The following LDLRAP1 variants were observed in gnomAD, a reference collection of about 807,000 sequenced individuals.
LDLRAP1 encodes the protein low density lipoprotein receptor adapter protein 1.
LDLRAP1 carries 30 observed loss-of-function variants against 37.8 expected under a neutral mutation model. The ratio of observed to expected loss-of-function variants is 0.79; its 90% CI spans 0.59 to 1.08. The LOEUF (loss-of-function observed/expected upper bound fraction) is 1.08, where lower values mean the gene tolerates loss of function less well. Among genes scored for constraint, LDLRAP1 ranks in the 50% least tolerant of loss-of-function variants. The probability of loss-of-function intolerance (pLI) is 0.00; values close to 1 mark genes in which losing one functional copy is unlikely to be tolerated. For synonymous variants in LDLRAP1, 156 were observed against 169.8 expected, an observed-to-expected ratio of 0.92 and a Z score of 0.63; for missense variants, 375 against 401.6, an observed-to-expected ratio of 0.93 and a Z score of 0.57.
rs1436937510 is a variant in LDLRAP1, at chr1:25,567,784, A to G, written c.*792A>G. On this transcript the variant is annotated 3_prime_UTR_variant, in exon 9 of 9. Transcript: ENST00000374338. ...GCTCCCAGGGACTGACACGGGGATCATCTCTGTGACCGCCCTCCGTCGGGC... is the reference window on the plus strand; with the variant it reads ...GCTCCCAGGGACTGACACGGGGATCGTCTCTGTGACCGCCCTCCGTCGGGC... The G allele has an allele frequency of 6.6e-6, 1 of 152,298 alleles. No individual in the cohort carries two copies. The highest frequency in any genetic ancestry group is 1.9e-4 in the East Asian group (1 of 5,176). The allele number at this position is 152,298 out of a possible 1,614,324, so 9.4% of individuals were successfully genotyped here. A position where few individuals can be genotyped will look rare whatever the true frequency, so the allele number is the denominator to read the frequency against.
At chr1:25,587,380 CTT>C in the LDLRAP1 span, among the ~76,000 whole-genome samples, 2 of 152,142 alleles carry the variant, frequency 1.3e-5, no homozygotes, top group Non-Finnish European at 2.9e-5. Context: ...GTTCTGAACT[CTT>C]GGCCTCAAGT....
In LDLRAP1 at chr1:25,565,025, G is replaced by A. The variant is rs541057413; in HGVS notation, c.748-148G>A. ...GAGATGCTGGCGATGCACCCAGGCA[G>A]GAGGCCTGCCTGAGGCCGTGCCTCC... On this transcript the variant is annotated intron_variant, in intron 7 of 8. Transcript: ENST00000374338. 7.5e-6 allele frequency: 6 copies of A among 802,918 alleles called. No individual in the cohort carries two copies. In the African/African-American group the frequency reaches 1.0e-4, roughly 14 times the overall value. The allele number at this position is 802,918 out of a possible 1,614,324, so 49.7% of individuals were successfully genotyped here. A position where few individuals can be genotyped will look rare whatever the true frequency, so the allele number is the denominator to read the frequency against.
chr1:25,566,811 C>CTG, intron 8 of LDLRAP1, 37 bp from the exon 9 acceptor site: 1 of 1,592,950 alleles, frequency 6.3e-7, no homozygotes, highest in African/African-American at 1.3e-5. Context: ...CGCCAGCCCT[C>CTG]ACCCAGGCTC....
At chr1:25,572,394 G>A (rs2044616300), downstream of LDLRAP1, among the ~76,000 whole-genome samples, 1 of 152,190 alleles carries the variant, frequency 6.6e-6, no homozygotes, top group South Asian at 2.1e-4. Context: ...CTGGGCTTAG[G>A]CACTCTGGGT....
Position 25,543,765 on chromosome 1 carries a change from G to C in LDLRAP1, c.67G>C (p.Gly23Arg), listed in dbSNP as rs546193771. Reference sequence around the variant, plus strand: ...CCCCAGCTTGGCCAAGCAGAGCTGGGGGGGCGGTGGCCGGCACCGCAGTGA... The same window carrying C: ...CCCCAGCTTGGCCAAGCAGAGCTGGCGGGGCGGTGGCCGGCACCGCAGTGA... Reference protein sequence around the residue: ...RSPSLAKQSWGGGGRHRKLPE... With the variant: ...RSPSLAKQSWRGGGRHRKLPE... The change falls in exon 1 of 9, where the codon GGG becomes CGG. Residue 23 changes from glycine (G) to arginine (R), a missense_variant. Coordinates refer to ENST00000374338, the MANE Select transcript of LDLRAP1 (RefSeq NM_015627.3). The C allele has an allele frequency of 1.7e-5, 20 of 1,209,860 alleles. No homozygotes were observed. The South Asian group carries it at 3.3e-4, about 20-fold the overall frequency. The allele number at this position is 1,209,860 out of a possible 1,614,324, so 74.9% of individuals were successfully genotyped here.
rs546158581 is a variant in LDLRAP1 at position 25,551,144 on chromosome 1, A to G, written c.89-2778A>G. Among the ~76,000 whole-genome samples, 3 of 152,194 alleles carry G rather than the reference A, an allele frequency of 2.0e-5. No homozygotes were observed. In the South Asian group the frequency reaches 6.2e-4, roughly 32 times the overall value. ...AGGATCAGAGGGAAGTAGAGCTGCA[A>G]TTGATTATCAATGTCTGCCAAGGGT... On this transcript the variant is annotated intron_variant, in intron 1 of 8. Transcript: ENST00000374338.
chr1:25,579,824 C>T, the LDLRAP1 span, among the ~76,000 whole-genome samples: 4 of 152,048 alleles, frequency 2.6e-5, no homozygotes, highest in African/African-American at 7.3e-5. Flanking sequence ...ATTACCACAG[C>T]TGCTAGATTC....
At chr1:25,588,158 A>C in the LDLRAP1 span, among the ~76,000 whole-genome samples, 1 of 152,122 alleles carries the variant, frequency 6.6e-6, no homozygotes, top group Admixed American at 6.5e-5. Flanking sequence ...GGCCGCAGGG[A>C]CCTCTGCCTA....
chr1:25,551,013 G>A (rs2044059537), intron 1 of LDLRAP1, among the ~76,000 whole-genome samples: 1 of 152,158 alleles, frequency 6.6e-6, no homozygotes, highest in Non-Finnish European at 1.5e-5. Flanking sequence ...TGAAAATGGG[G>A]GCTGGAGAGG....
chr1:25,563,388 GTCTA>G lies in LDLRAP1; in HGVS notation c.616+239_616+242del, dbSNP rs922524910. ...TCCCTATGCAAATATATAAATATGC[GTCTA>G]TCTTTCTATATACTTAACATAGTAT... is the stretch of plus-strand genomic sequence containing the variant. On this transcript the variant is annotated intron_variant, in intron 6 of 8. Transcript: ENST00000374338. Among the ~76,000 whole-genome samples the G allele has an allele frequency of 7.6e-4, 115 of 152,168 alleles. 9 individuals carry two copies. The highest frequency in any genetic ancestry group is 1.6e-4 in the Non-Finnish European group (11 of 68,028).
At position 25,563,805 on chromosome 1, in the gene LDLRAP1, TGGCC is replaced by T; in HGVS notation, c.747+15_747+18del. On this transcript the variant is annotated intron_variant, in intron 7 of 8. Transcript: ENST00000374338. The stretch of plus-strand genomic sequence containing the variant: ...AGTGTTGTCTGGGTGAGTGGTTGTG[TGGCC>T]AGCAGATCGGTGATCCTCAGCCTGA... The T allele has an allele frequency of 6.2e-7, 1 of 1,613,448 alleles. No individual in the cohort carries two copies. Among genetic ancestry groups the T allele is most frequent in the African/African-American group, 1.3e-5 (1 of 75,034 alleles).
intron 1 of LDLRAP1, among the ~76,000 whole-genome samples, chr1:25,546,050 T>C (rs1432233957): frequency 1.3e-5 from 2 of 152,136 alleles, no homozygotes; most frequent in African/African-American, 4.8e-5. Context: ...CTTGGTGAAC[T>C]CTGCCATGGG....
At chr1:25,548,201 A>C (rs780457626) in intron 1 of LDLRAP1, among the ~76,000 whole-genome samples, 2 of 152,212 alleles carry the variant, frequency 1.3e-5, no homozygotes, top group Non-Finnish European at 2.9e-5. Context: ...TGGACACGTT[A>C]AATCTCTTTG....
chr1:25,580,316 C>A, the LDLRAP1 span, among the ~76,000 whole-genome samples: 1 of 152,216 alleles, frequency 6.6e-6, no homozygotes, highest in Middle Eastern at 3.4e-3. Flanking sequence ...GTAATCCCAG[C>A]ACTCTGGGAG....
the LDLRAP1 span, among the ~76,000 whole-genome samples, chr1:25,582,441 T>C: frequency 8.6e-5 from 13 of 150,714 alleles, no homozygotes; most frequent in East Asian, 5.8e-4. Context: ...AAAACTTAGC[T>C]GGGCATGGTG....
rs1327215017 is a variant in LDLRAP1 at position 25,555,900 on chromosome 1, C to A, written c.344+928C>A. Among the ~76,000 whole-genome samples the A allele has an allele frequency of 1.3e-5, 2 of 152,162 alleles. No individual in the cohort carries two copies. Among genetic ancestry groups the A allele is most frequent in the Non-Finnish European group, 2.9e-5 (2 of 68,034 alleles). ...CTAGTTGGGTATAGTCGGGAGGAAA[C>A]AGGAGATAGAGCATAGTGTTCCAAA... On this transcript the variant is annotated intron_variant, in intron 3 of 8. Transcript: ENST00000374338. The surrounding 1 kb of genome is among the most constrained non-coding windows in gnomAD (Gnocchi z 4.7).
chr1:25,583,080 A>G, the LDLRAP1 span, among the ~76,000 whole-genome samples: 1 of 151,948 alleles, frequency 6.6e-6, no homozygotes, highest in Admixed American at 6.6e-5. Flanking sequence ...AAAAAAAAAA[A>G]CAAAAATTCC....
intron 6 of LDLRAP1, 89 bp from the exon 7 acceptor site, chr1:25,563,572 G>A: frequency 6.4e-7 from 1 of 1,571,832 alleles, no homozygotes; most frequent in African/African-American, 1.3e-5. Flanking sequence ...CCACATCAGA[G>A]GGGAGGGTCA....
the LDLRAP1 span, among the ~76,000 whole-genome samples, chr1:25,580,783 T>A: frequency 1.3e-5 from 2 of 152,146 alleles, no homozygotes; most frequent in Admixed American, 6.5e-5. Context: ...AAGTGCTGGA[T>A]TACAGGTGTG....
Sources: gnomAD v4.1 joint callset for allele counts (sites outside exome capture counted in the v4.1 genomes callset) on GRCh38, gnomAD v4.1.1 for gene constraint, Gnocchi (gnomAD v3.1) non-coding constraint, MANE v1.5 for transcripts, NCBI Gene and HGNC (gene_info 2026-07-23, HGNC 2026-07-21) for gene names.